The following LGR5 variants were observed in gnomAD, a reference collection of about 807,000 sequenced individuals.
The protein encoded by LGR5 is leucine rich repeat containing G protein-coupled receptor 5.
A neutral mutation model predicts 76.7 loss-of-function variants in LGR5; 54 were observed. The observed-to-expected ratio is 0.70, with a 90% CI of 0.57 to 0.88. The LOEUF (loss-of-function observed/expected upper bound fraction) is 0.88. Among genes scored for constraint, LGR5 ranks in the 40% least tolerant of loss-of-function variants. The probability of loss-of-function intolerance (pLI) is 0.00; values close to 1 mark genes in which losing one functional copy is unlikely to be tolerated. For synonymous variants in LGR5, 406 were observed against 421.9 expected (o/e 0.96, Z 0.46); for missense variants, 1,078 against 1,073.3 (o/e 1.00, Z -0.06).
chr12:71,520,904 G>A (rs1401297751), intron 2 of LGR5, among the ~76,000 whole-genome samples: 1 of 151,118 alleles, frequency 6.6e-6, no homozygotes, highest in African/African-American at 2.4e-5. Flanking sequence ...GCTAGTGTGG[G>A]AGGAAAATTT....
At chr12:71,539,103 A>G (rs901722332) in intron 4 of LGR5, among the ~76,000 whole-genome samples, 1 of 152,206 alleles carries the variant, frequency 6.6e-6, no homozygotes. Flanking sequence ...TGCCTAAGAA[A>G]TGCAGAACAC....
chr12:71,504,241 CTCTT>C (rs1282021760), intron 1 of LGR5, among the ~76,000 whole-genome samples: 1 of 152,078 alleles, frequency 6.6e-6, no homozygotes, highest in Non-Finnish European at 1.5e-5. Flanking sequence ...GAAGACATTT[CTCTT>C]TGTCACACAA....
intron 13 of LGR5, among the ~76,000 whole-genome samples, chr12:71,577,417 G>A (rs1433026913): frequency 1.3e-5 from 2 of 151,956 alleles, no homozygotes; most frequent in Non-Finnish European, 2.9e-5. Context: ...TCATATCCTG[G>A]CTAATAATTT....
intron 5 of LGR5, among the ~76,000 whole-genome samples, chr12:71,553,951 C>T (rs950215596): frequency 2.0e-5 from 3 of 152,030 alleles, no homozygotes; most frequent in African/African-American, 4.8e-5. Context: ...ATTAGCTGGG[C>T]GTAGTGGCAC....
At chr12:71,483,864 G>T (rs934466229) in intron 1 of LGR5, among the ~76,000 whole-genome samples, 1 of 152,088 alleles carries the variant, frequency 6.6e-6, no homozygotes, top group East Asian at 1.9e-4. Context: ...TAATCAATAG[G>T]ACTGATGGCC....
At chr12:71,531,133 A>T (rs186185661) in intron 3 of LGR5, among the ~76,000 whole-genome samples, 10 of 152,320 alleles carry the variant, frequency 6.6e-5, no homozygotes, top group Non-Finnish European at 1.3e-4. Context: ...TTTTGTCTCT[A>T]GAGAAAGTAT....
intron 1 of LGR5, among the ~76,000 whole-genome samples, chr12:71,477,817 G>C (rs1258987851): frequency 6.6e-6 from 1 of 152,142 alleles, no homozygotes; most frequent in Non-Finnish European, 1.5e-5. Flanking sequence ...GTGTCAACTA[G>C]TGGTAAATTT....
chr12:71,473,333 T>TA (rs34421914), intron 1 of LGR5, among the ~76,000 whole-genome samples: 1 of 152,100 alleles, frequency 6.6e-6, no homozygotes, highest in Admixed American at 6.5e-5. Context: ...TTTCAACACT[T>TA]AAAAAAATAT....
At chr12:71,466,575 C>T (rs1453212675) in intron 1 of LGR5, among the ~76,000 whole-genome samples, 1 of 151,836 alleles carries the variant, frequency 6.6e-6, no homozygotes, top group Non-Finnish European at 1.5e-5. Flanking sequence ...GTTCTGCATC[C>T]ATGATTCTTC....
intron 1 of LGR5, chr12:71,448,925 C>T (rs186966714): frequency 1.6e-4 from 24 of 152,318 alleles, no homozygotes; most frequent in African/African-American, 5.1e-4. Context: ...CCTACTCTAT[C>T]ATTGTTACAG....
intron 1 of LGR5, among the ~76,000 whole-genome samples, chr12:71,493,702 T>A (rs1874178442): frequency 6.6e-6 from 1 of 151,054 alleles, no homozygotes; most frequent in African/African-American, 2.5e-5. Context: ...ACCACATAAT[T>A]TCCTTACTGT....
Position 71,582,558 on chromosome 12 carries a change from A to C in LGR5, c.1636+19A>C, listed in dbSNP as rs1413645607. On this transcript the variant is annotated intron_variant, in intron 17 of 17. Transcript: ENST00000266674. ...TCCCCAGGTGAGAAAGGCATCAAAAATTCCTCAACGGCAGTATCCACCACT... is the reference window on the plus strand; with the variant it reads ...TCCCCAGGTGAGAAAGGCATCAAAACTTCCTCAACGGCAGTATCCACCACT... 1 of 1,574,948 alleles carries C rather than the reference A, an allele frequency of 6.3e-7. No homozygotes were observed. Among genetic ancestry groups the C allele is most frequent in the Non-Finnish European group, 8.7e-7 (1 of 1,144,392 alleles).
chr12:71,556,428 G>A (rs1021399987), intron 5 of LGR5, among the ~76,000 whole-genome samples, 191 bp from the exon 6 acceptor site: 6 of 152,144 alleles, frequency 3.9e-5, no homozygotes, highest in Non-Finnish European at 7.3e-5. Context: ...AAAAAACTGT[G>A]ACTGTCTTTT....
chr12:71,447,882 A>C (rs1273897244), intron 1 of LGR5, among the ~76,000 whole-genome samples: 1 of 152,204 alleles, frequency 6.6e-6, no homozygotes, highest in East Asian at 1.9e-4. Context: ...ACTCCAGCTG[A>C]GAACGCGTGC....
intron 1 of LGR5, among the ~76,000 whole-genome samples, chr12:71,444,415 T>C (rs1871896226): frequency 6.6e-6 from 1 of 152,092 alleles, no homozygotes; most frequent in Non-Finnish European, 1.5e-5. Context: ...ATAATTAGTC[T>C]AAGTAATTTT....
chr12:71,457,011 C>G (rs1158027813), intron 1 of LGR5, among the ~76,000 whole-genome samples: 2 of 151,816 alleles, frequency 1.3e-5, no homozygotes, highest in African/African-American at 4.8e-5. Context: ...TTTTTTAAGA[C>G]CATGGAGTTG....
chr12:71,500,304 C>G (rs1345228211), intron 1 of LGR5, among the ~76,000 whole-genome samples: 3 of 152,122 alleles, frequency 2.0e-5, no homozygotes, highest in African/African-American at 7.2e-5. Flanking sequence ...GGTCAGATAA[C>G]TGGCCTAGAA....
intron 13 of LGR5, among the ~76,000 whole-genome samples, chr12:71,576,662 C>G (rs1426741174): frequency 6.6e-6 from 1 of 152,126 alleles, no homozygotes; most frequent in Admixed American, 6.5e-5. Context: ...AATTACAGGC[C>G]TTTGAACATA....
At chr12:71,462,506 C>T (rs1872721590) in intron 1 of LGR5, among the ~76,000 whole-genome samples, 1 of 151,984 alleles carries the variant, frequency 6.6e-6, no homozygotes, top group Admixed American at 6.6e-5. Context: ...TTTCTGCTTT[C>T]CTCCCCCTGT....
Sources: gnomAD v4.1 joint callset for allele counts (sites outside exome capture counted in the v4.1 genomes callset) on GRCh38, gnomAD v4.1.1 for gene constraint, MANE v1.5 for transcripts, NCBI Gene and HGNC (gene_info 2026-07-23, HGNC 2026-07-21) for gene names.